FSTL5: variants seen among roughly 807,000 people sequenced by gnomAD.
The protein encoded by FSTL5 is follistatin like 5, also known as follistatin-related protein 5.
A neutral mutation model predicts 89.1 loss-of-function variants in FSTL5; 62 were observed. The ratio of observed to expected loss-of-function variants is 0.70; its 90% confidence interval spans 0.57 to 0.86. The LOEUF (loss-of-function observed/expected upper bound fraction) is 0.86, where lower values mean the gene tolerates loss of function less well. Among genes scored for constraint, FSTL5 ranks in the 40% least tolerant of loss-of-function variants. The pLI, the probability that FSTL5 is intolerant of heterozygous loss-of-function variation, is 0.00. For missense variants in FSTL5, 1,057 were observed against 1,001.6 expected (o/e 1.06, Z -0.75); for synonymous variants, 383 against 346.2 (o/e 1.11, Z -1.18).
In FSTL5 at chr4:161,530,059, T is replaced by C. The variant is rs1021255622; in HGVS notation, c.1312+8107A>G. Among the ~76,000 whole-genome samples the C allele has an allele frequency of 5.7e-5, 8 of 141,380 alleles. 1 individual carries two copies. Among genetic ancestry groups the C allele is most frequent in the Admixed American group, 1.5e-4 (2 of 13,296 alleles). The allele number at this position is 141,380 out of a possible 152,430, so 92.8% of individuals were successfully genotyped here. A position where few individuals can be genotyped will look rare whatever the true frequency, so the allele number is the denominator to read the frequency against. Reference sequence around the variant, plus strand: ...CATTAAATCTATGCAACCTGCCTTTTGAAGTATTTCCTCATTCTATAGAAA... The same window carrying C: ...CATTAAATCTATGCAACCTGCCTTTCGAAGTATTTCCTCATTCTATAGAAA... On this transcript the variant is annotated intron_variant, in intron 10 of 15. Transcript: ENST00000306100.
chr4:162,149,026 C>G (rs1280195672), intron 1 of FSTL5, among the ~76,000 whole-genome samples: 1 of 152,132 alleles, frequency 6.6e-6, no homozygotes, highest in Non-Finnish European at 1.5e-5. Context: ...AAACCAAAAT[C>G]TTTTGTATGT....
At chr4:161,782,095 A>G (rs1179701572) in intron 4 of FSTL5, among the ~76,000 whole-genome samples, 1 of 152,172 alleles carries the variant, frequency 6.6e-6, no homozygotes, top group African/African-American at 2.4e-5. Context: ...TTAGAACCGA[A>G]TAATATTCCA....
chr4:161,518,908 G>A (rs999413109), intron 10 of FSTL5, among the ~76,000 whole-genome samples: 3 of 152,106 alleles, frequency 2.0e-5, no homozygotes, highest in African/African-American at 7.2e-5. Context: ...GTCCTGTGCT[G>A]GAAGATCCAC....
At chr4:161,488,019 C>T (rs1221102378) in intron 12 of FSTL5, among the ~76,000 whole-genome samples, 3 of 151,742 alleles carry the variant, frequency 2.0e-5, no homozygotes, top group East Asian at 3.9e-4. Context: ...ATAAAGTTCC[C>T]TTCAATATTG....
intron 6 of FSTL5, among the ~76,000 whole-genome samples, chr4:161,675,756 GA>G (rs1198743284): frequency 3.4e-4 from 51 of 151,750 alleles, no homozygotes; most frequent in African/African-American, 1.2e-3. Context: ...CTTAAACCTG[GA>G]ACCATAATAT....
At chr4:161,556,446 T>G (rs1404408759) in intron 8 of FSTL5, among the ~76,000 whole-genome samples, 1 of 151,580 alleles carries the variant, frequency 6.6e-6, no homozygotes, top group African/African-American at 2.4e-5. Flanking sequence ...ATAACATGTC[T>G]TGCATCAGAC....
intron 4 of FSTL5, among the ~76,000 whole-genome samples, chr4:161,898,221 A>G (rs1385914625): frequency 6.6e-6 from 1 of 151,010 alleles, no homozygotes; most frequent in Non-Finnish European, 1.5e-5. Flanking sequence ...GTATATTTAT[A>G]TTTTATTTTA....
chr4:161,615,526 C>A (rs17504151), intron 7 of FSTL5, among the ~76,000 whole-genome samples: 29,086 of 150,528 alleles, frequency 0.19, 2,987 homozygotes, highest in East Asian at 0.35. Context: ...AATTTATGTA[C>A]AACTCTACAA....
intron 6 of FSTL5, among the ~76,000 whole-genome samples, chr4:161,708,629 T>TA (rs1017368264): frequency 1.3e-4 from 20 of 151,568 alleles, no homozygotes; most frequent in African/African-American, 3.9e-4. Context: ...TTTTCCAAAT[T>TA]AAAAAAAAAC....
intron 10 of FSTL5, among the ~76,000 whole-genome samples, chr4:161,521,859 AAAAAAG>A (rs372346248): frequency 0.049 from 6,651 of 136,654 alleles, 252 homozygotes; most frequent in Non-Finnish European, 0.071. Context: ...AAAAAAAAAA[AAAAAAG>A]AAAAAAAAAG....
chr4:161,530,593 T>C (rs1731378377), intron 10 of FSTL5, among the ~76,000 whole-genome samples: 1 of 152,006 alleles, frequency 6.6e-6, no homozygotes. Flanking sequence ...TATGGTAAGA[T>C]TTCCAACTGC....
intron 3 of FSTL5, among the ~76,000 whole-genome samples, chr4:162,012,085 C>T (rs1388299134): frequency 6.6e-6 from 1 of 152,160 alleles, no homozygotes; most frequent in Non-Finnish European, 1.5e-5. Flanking sequence ...GCGTACAGCT[C>T]TAAATCTCCA....
intron 8 of FSTL5, among the ~76,000 whole-genome samples, chr4:161,578,530 G>A (rs1309120172): frequency 6.6e-6 from 1 of 151,954 alleles, no homozygotes; most frequent in Admixed American, 6.6e-5. Context: ...CCAAATGGAT[G>A]GAGAAAACAG....
At chr4:161,634,657 T>C (rs1464826165) in intron 7 of FSTL5, among the ~76,000 whole-genome samples, 1 of 152,124 alleles carries the variant, frequency 6.6e-6, no homozygotes, top group Non-Finnish European at 1.5e-5. Flanking sequence ...ACAAGTACCC[T>C]ATGATTTTAC....
chr4:161,432,649 T>A (rs112740731), intron 15 of FSTL5, among the ~76,000 whole-genome samples: 2,358 of 151,866 alleles, frequency 0.016, 58 homozygotes, highest in African/African-American at 0.054. Flanking sequence ...TGACAATTTT[T>A]TTTGAAATAT....
At chr4:161,676,368 C>T (rs1005532590) in intron 6 of FSTL5, among the ~76,000 whole-genome samples, 9 of 151,932 alleles carry the variant, frequency 5.9e-5, no homozygotes, top group Admixed American at 5.3e-4. Context: ...ATGGATGAAG[C>T]CAGAAGCCAT....
intron 8 of FSTL5, among the ~76,000 whole-genome samples, chr4:161,553,429 A>T (rs1188557632): frequency 6.6e-6 from 1 of 151,366 alleles, no homozygotes; most frequent in African/African-American, 2.4e-5. Context: ...TAAAGTATAA[A>T]ATTTGATTTA....
At chr4:161,789,540 T>G (rs1729384735) in intron 4 of FSTL5, among the ~76,000 whole-genome samples, 1 of 152,228 alleles carries the variant, frequency 6.6e-6, no homozygotes, top group Non-Finnish European at 1.5e-5. Flanking sequence ...TTCATAGCTA[T>G]TTGGAAGTTC....
chr4:161,579,743 AAG>A (rs1491015074), intron 8 of FSTL5, among the ~76,000 whole-genome samples: 4 of 97,002 alleles, frequency 4.1e-5, no homozygotes, highest in Non-Finnish European at 5.0e-5. Flanking sequence ...AAAAAAAAAA[AAG>A]AAAGAAAAAG....
Sources: gnomAD v4.1 joint callset for allele counts (sites outside exome capture counted in the v4.1 genomes callset) on GRCh38, gnomAD v4.1.1 for gene constraint, MANE v1.5 for transcripts, NCBI Gene and HGNC (gene_info 2026-07-23, HGNC 2026-07-21) for gene names.